PCDH11X: variants seen among roughly 807,000 people sequenced by gnomAD.
The protein encoded by PCDH11X is protocadherin 11 X-linked.
In PCDH11X, 18 loss-of-function variants were observed where a neutral mutation model predicts 53.3. The observed-to-expected ratio is 0.34, with a 90% CI of 0.23 to 0.50. The LOEUF (loss-of-function observed/expected upper bound fraction) is 0.50. Among genes scored for constraint, PCDH11X ranks in the 20% least tolerant of loss-of-function variants. The pLI is 0.98. For synonymous variants in PCDH11X, 279 were observed against 393.3 expected (o/e 0.71, Z 3.44); for missense variants, 570 against 1,032.4 (o/e 0.55, Z 6.14).
intron 8 of PCDH11X, among the ~76,000 whole-genome samples, chrX:92,298,874 A>G (rs977407527): frequency 1.8e-5 from 2 of 111,793 alleles, no homozygotes; most frequent in African/African-American, 6.5e-5. Context: ...ACAGTCTTTC[A>G]GAGCTTATAT....
At chrX:92,200,855 T>C (rs1297465336) in intron 6 of PCDH11X, among the ~76,000 whole-genome samples, 1 of 109,145 alleles carries the variant, frequency 9.2e-6, no homozygotes. Flanking sequence ...AGCTTAAATG[T>C]CAGCCATTTA....
rs181030893 is a variant in PCDH11X at position 92,036,703 on chromosome X, G to T, written c.3033+157430G>T. 5.3e-3 allele frequency among the ~76,000 whole-genome samples: 587 copies of T among 111,452 alleles called. 2 individuals carry two copies. The highest frequency in any genetic ancestry group is 0.018 in the African/African-American group (562 of 30,653). On this transcript the variant is annotated intron_variant, in intron 6 of 10. Transcript: ENST00000682573. Reference sequence around the variant, plus strand: ...CAGTAGAGAGGGGCGCTGCTGAAAAGATACCCGAAAATGTGGAAGCAACTT... The same window carrying T: ...CAGTAGAGAGGGGCGCTGCTGAAAATATACCCGAAAATGTGGAAGCAACTT...
At chrX:92,139,314 C>T (rs999990631) in intron 6 of PCDH11X, among the ~76,000 whole-genome samples, 4 of 82,405 alleles carry the variant, frequency 4.9e-5, no homozygotes, top group Admixed American at 3.5e-4. Flanking sequence ...TTGCTCTTGT[C>T]GCCCAGGCTG....
intron 9 of PCDH11X, among the ~76,000 whole-genome samples, chrX:92,389,272 A>G (rs1293278537): frequency 9.0e-6 from 1 of 111,182 alleles, no homozygotes; most frequent in Admixed American, 9.7e-5. Flanking sequence ...CCTGGTAGAA[A>G]TACATAGTTG....
chrX:92,368,338 C>T (rs750401301), intron 8 of PCDH11X, among the ~76,000 whole-genome samples: 2 of 111,682 alleles, frequency 1.8e-5, no homozygotes, highest in East Asian at 5.7e-4. Flanking sequence ...TGTTTTTCAG[C>T]TCCATAACGT....
chrX:92,528,916 A>G (rs1162610597), intron 10 of PCDH11X, among the ~76,000 whole-genome samples: 2 of 110,685 alleles, frequency 1.8e-5, no homozygotes, highest in East Asian at 2.9e-4. Flanking sequence ...TTGGTGAAAG[A>G]TAAGTGCAGG....
chrX:92,054,657 C>A (rs1352973189), intron 6 of PCDH11X, among the ~76,000 whole-genome samples: 3 of 109,483 alleles, frequency 2.7e-5, no homozygotes, highest in Non-Finnish European at 5.7e-5. Flanking sequence ...CCTGCCTCTA[C>A]TAAAAATACA....
intron 10 of PCDH11X, among the ~76,000 whole-genome samples, chrX:92,546,165 T>C (rs1379592397): frequency 1.8e-5 from 2 of 110,812 alleles, no homozygotes; most frequent in Admixed American, 1.9e-4. Flanking sequence ...GATCATAGAG[T>C]CCAAGTTCTT....
chrX:92,037,429 T>C (rs2063143008), intron 6 of PCDH11X, among the ~76,000 whole-genome samples: 1 of 112,110 alleles, frequency 8.9e-6, no homozygotes, highest in South Asian at 3.7e-4. Context: ...ATGGTGTATA[T>C]GTACCACATT....
chrX:92,528,765 TG>T (rs895933961), intron 10 of PCDH11X, among the ~76,000 whole-genome samples: 1 of 111,621 alleles, frequency 9.0e-6, no homozygotes, highest in African/African-American at 3.3e-5. Context: ...GTTTTAAGTA[TG>T]AAAAAAAGAA....
intron 10 of PCDH11X, among the ~76,000 whole-genome samples, chrX:92,617,734 C>T (rs979488736): frequency 9.0e-6 from 1 of 110,966 alleles, no homozygotes; most frequent in African/African-American, 3.3e-5. Flanking sequence ...ATAAAGGATA[C>T]CGAAATCACT....
intron 6 of PCDH11X, among the ~76,000 whole-genome samples, chrX:92,016,584 C>T (rs1422405104): frequency 4.0e-5 from 3 of 74,103 alleles, no homozygotes; most frequent in Non-Finnish European, 7.5e-5. Flanking sequence ...CCTCTGCTAA[C>T]TTCATTTTTT....
intron 8 of PCDH11X, among the ~76,000 whole-genome samples, chrX:92,348,438 A>T (rs1346448776): frequency 1.8e-5 from 2 of 109,957 alleles, no homozygotes; most frequent in Non-Finnish European, 3.8e-5. Context: ...AACCATCCAA[A>T]ATCCAAGTTC....
chrX:92,331,771 G>C (rs928766044), intron 8 of PCDH11X, among the ~76,000 whole-genome samples: 5 of 110,853 alleles, frequency 4.5e-5, no homozygotes, highest in African/African-American at 1.6e-4. Context: ...CATTTGGTTT[G>C]AAAATTATGT....
rs556007123 is a variant in PCDH11X, at chrX:92,281,460, G to A, written c.3144+18317G>A. 2.5e-4 allele frequency among the ~76,000 whole-genome samples: 28 copies of A among 112,176 alleles called. No homozygotes were observed. The South Asian group carries it at 1.0e-2, about 40-fold the overall frequency. On this transcript the variant is annotated intron_variant, in intron 8 of 10. Transcript: ENST00000682573. ...CATTCCCAGGCAACTGCCATGATTA[G>A]GGTATGTAATGTGGATTATCTTTAC...
At chrX:92,067,146 C>A (rs2063621610) in intron 6 of PCDH11X, among the ~76,000 whole-genome samples, 1 of 110,743 alleles carries the variant, frequency 9.0e-6, no homozygotes, top group Non-Finnish European at 1.9e-5. Context: ...ATTTGGATGT[C>A]CTTTATTTCC....
intron 6 of PCDH11X, chrX:92,114,424 C>T: frequency 2.2e-6 from 2 of 903,940 alleles, no homozygotes; most frequent in Admixed American, 2.2e-5. Flanking sequence ...CCCATCGGGG[C>T]CATTGTCTCT....
chrX:92,274,961 T>C lies in PCDH11X; in HGVS notation c.3144+11818T>C, dbSNP rs897645144. Among the ~76,000 whole-genome samples, 120 of 109,779 alleles carry C rather than the reference T, an allele frequency of 1.1e-3. 1 individual carries two copies. The highest frequency in any genetic ancestry group is 3.9e-3 in the African/African-American group (116 of 29,956). On this transcript the variant is annotated intron_variant, in intron 8 of 10. Transcript: ENST00000682573. Reference sequence around the variant, plus strand: ...AATAATGTGGGAGGCCAGTTTGAAGTCTGGGCCAGGAACAATGGTAATTGT... The same window carrying C: ...AATAATGTGGGAGGCCAGTTTGAAGCCTGGGCCAGGAACAATGGTAATTGT...
intron 10 of PCDH11X, among the ~76,000 whole-genome samples, chrX:92,581,159 A>G (rs1044486374): frequency 1.7e-4 from 19 of 112,001 alleles, no homozygotes; most frequent in Non-Finnish European, 3.0e-4. Flanking sequence ...AGTGGGTCTA[A>G]ACAATACCGT....
Sources: gnomAD v4.1 joint callset for allele counts (sites outside exome capture counted in the v4.1 genomes callset) on GRCh38, gnomAD v4.1.1 for gene constraint, MANE v1.5 for transcripts, NCBI Gene and HGNC (gene_info 2026-07-23, HGNC 2026-07-21) for gene names.